Variants in PHF20L1 observed in about 807,000 individuals in gnomAD.
PHF20L1 encodes PHD finger protein 20 like 1.
Under a neutral mutation model 125.5 loss-of-function variants are expected in PHF20L1, and 44 were observed. That is an observed-to-expected ratio of 0.35 (90% CI 0.28 to 0.45). The LOEUF (loss-of-function observed/expected upper bound fraction) is 0.45, where lower values mean the gene tolerates loss of function less well. PHF20L1 is among the 20% of genes least tolerant of loss of function. The probability of loss-of-function intolerance (pLI) is 1.00; values close to 1 mark genes in which losing one functional copy is unlikely to be tolerated. For synonymous variants in PHF20L1, 380 were observed against 403.1 expected (o/e 0.94, Z 0.69); for missense variants, 1,012 against 1,217.2 (o/e 0.83, Z 2.51).
At chr8:132,783,238 A>G (rs1830640386) in intron 2 of PHF20L1, among the ~76,000 whole-genome samples, 1 of 152,164 alleles carries the variant, frequency 6.6e-6, no homozygotes, top group African/African-American at 2.4e-5. Flanking sequence ...AGGAAAATGA[A>G]AGATTAAAAA....
At position 132,842,764 on chromosome 8, in the gene PHF20L1, T is replaced by A; in HGVS notation, c.2637T>A (p.Pro879=). The change falls in exon 19 of 21, where the codon CCT becomes CCA. Residue 879 remains proline, a synonymous_variant. Transcript: ENST00000395386. ...FGQDCKSLAD[P]GSSDDDDVSS... is the part of the protein sequence containing the mutation. ...AGGACTGTAAATCTCTCGCAGACCC[T>A]GGGAGCTCAGATGATGATGATGTTA... 6.2e-7 allele frequency: 1 copy of A among 1,613,366 alleles called. No individual in the cohort carries two copies. Among genetic ancestry groups the A allele is most frequent in the Non-Finnish European group, 8.5e-7 (1 of 1,179,568 alleles).
intron 2 of PHF20L1, among the ~76,000 whole-genome samples, chr8:132,778,811 T>G (rs1478609602): frequency 6.6e-6 from 1 of 152,202 alleles, no homozygotes; most frequent in East Asian, 1.9e-4. Flanking sequence ...GGGTTCCGCT[T>G]CTGGGAGGGA....
chr8:132,810,097 T>G (rs987082792), intron 8 of PHF20L1: 1 of 150,854 alleles, frequency 6.6e-6, no homozygotes, highest in African/African-American at 2.4e-5. Context: ...TAGGGTGGAG[T>G]GCAGTGGCAG....
intron 9 of PHF20L1, chr8:132,813,084 T>A: frequency 1.0e-6 from 1 of 958,352 alleles, no homozygotes; most frequent in Non-Finnish European, 1.2e-6. Context: ...TATCAAGATA[T>A]TAAGTTTTAA....
intron 14 of PHF20L1, among the ~76,000 whole-genome samples, chr8:132,827,845 T>A (rs1025445229): frequency 6.6e-6 from 1 of 152,042 alleles, no homozygotes; most frequent in African/African-American, 2.4e-5. Context: ...CAAATGAAAA[T>A]CTTAACTTTG....
chr8:132,782,591 T>TC (rs1236520786), intron 2 of PHF20L1, among the ~76,000 whole-genome samples: 1 of 81,146 alleles, frequency 1.2e-5, no homozygotes, highest in Non-Finnish European at 3.3e-5. Flanking sequence ...TTCTTTTTCC[T>TC]TTTTTTTTTG....
At chr8:132,838,444 G>C (rs561461170) in intron 17 of PHF20L1, 4 of 152,640 alleles carry the variant, frequency 2.6e-5, no homozygotes, top group South Asian at 2.1e-4. Flanking sequence ...AGACTGAGAT[G>C]AAATCTATGC....
chr8:132,812,704 A>G (rs948125308), intron 9 of PHF20L1: 2 of 984,840 alleles, frequency 2.0e-6, no homozygotes, highest in Non-Finnish European at 2.4e-6. Flanking sequence ...GCCTCGCTTC[A>G]TAGTTAAAAA....
intron 14 of PHF20L1, among the ~76,000 whole-genome samples, chr8:132,827,223 A>G (rs1836282112): frequency 6.6e-6 from 1 of 151,784 alleles, no homozygotes. Flanking sequence ...AGAGGTAGGA[A>G]ACTCCGGAGT....
chr8:132,847,294 A>T lies in PHF20L1; in HGVS notation c.*1371A>T, dbSNP rs1244785877. The T allele has an allele frequency of 1.3e-5, 2 of 152,740 alleles. No homozygotes were observed. The highest frequency in any genetic ancestry group is 3.9e-4 in the East Asian group (2 of 5,188). The allele number at this position is 152,740 out of a possible 1,614,324, so 9.5% of individuals were successfully genotyped here. A position where few individuals can be genotyped will look rare whatever the true frequency, so the allele number is the denominator to read the frequency against. ...TGTTACCTTTTAACAGACTGTTTTT[A>T]AAAATTAAAAATGTATGTATAGGTT... is the stretch of plus-strand genomic sequence containing the variant. On this transcript the variant is annotated 3_prime_UTR_variant, in exon 21 of 21. Transcript: ENST00000395386.
At position 132,845,851 on chromosome 8, in the gene PHF20L1, T is replaced by C. The variant is rs550543003; in HGVS notation, c.2982T>C (p.Leu994=). 6.2e-5 allele frequency: 100 copies of C among 1,611,864 alleles called. No homozygotes were observed. In the South Asian group the frequency reaches 1.1e-3, roughly 17 times the overall value. The change falls in exon 21 of 21, where the codon CTT becomes CTC. Residue 994 remains leucine, a synonymous_variant. Transcript: ENST00000395386. ...ATCCTCTTGCAAGATTGCCCCAACT[T>C]AAACGCCACATAAAACAGCTCCTAA... ...PPDPLARLPQ[L]KRHIKQLLID...
chr8:132,823,935 A>G, intron 12 of PHF20L1, 69 bp from the exon 13 acceptor site: 1 of 861,686 alleles, frequency 1.2e-6, no homozygotes, highest in Non-Finnish European at 1.9e-6. Flanking sequence ...AGCAATTGTA[A>G]TGTAAAATAT....
intron 14 of PHF20L1, among the ~76,000 whole-genome samples, chr8:132,828,253 ATAT>A (rs975744052): frequency 1.6e-4 from 25 of 152,008 alleles, no homozygotes; most frequent in African/African-American, 6.0e-4. Flanking sequence ...CATTTTATAA[ATAT>A]TATTACTTCA....
chr8:132,786,605 CT>C (rs1391261583), intron 2 of PHF20L1, among the ~76,000 whole-genome samples: 24 of 152,106 alleles, frequency 1.6e-4, no homozygotes, highest in Admixed American at 1.2e-3. Flanking sequence ...GATGCAGAAT[CT>C]GTAATGATTG....
At chr8:132,844,827 C>T (rs990386942) in intron 20 of PHF20L1, among the ~76,000 whole-genome samples, 7 of 152,064 alleles carry the variant, frequency 4.6e-5, no homozygotes, top group African/African-American at 1.7e-4. Context: ...GATACTATCA[C>T]TACTTTATAG....
intron 2 of PHF20L1, among the ~76,000 whole-genome samples, chr8:132,784,200 C>T (rs1343050395): frequency 6.6e-6 from 1 of 152,116 alleles, no homozygotes; most frequent in Non-Finnish European, 1.5e-5. Context: ...TGTTCTTGCT[C>T]TAGTGTTCTT....
chr8:132,818,548 T>A (rs570708677), intron 12 of PHF20L1: 13 of 152,032 alleles, frequency 8.6e-5, no homozygotes, highest in Admixed American at 1.3e-4. Context: ...TATCTTTATA[T>A]AAAGGTTGAA....
intron 12 of PHF20L1, chr8:132,819,008 C>T (rs1835286309): frequency 6.6e-6 from 1 of 151,754 alleles, no homozygotes. Context: ...GATTATATAT[C>T]ATAAAATATC....
chr8:132,797,469 T>C (rs1164836228), intron 4 of PHF20L1, among the ~76,000 whole-genome samples: 1 of 151,790 alleles, frequency 6.6e-6, no homozygotes, highest in East Asian at 1.9e-4. Flanking sequence ...ACAGAGGAAA[T>C]AGCATGAGCA....
Sources: gnomAD v4.1 joint callset for allele counts (sites outside exome capture counted in the v4.1 genomes callset) on GRCh38, gnomAD v4.1.1 for gene constraint, MANE v1.5 for transcripts, NCBI Gene and HGNC (gene_info 2026-07-23, HGNC 2026-07-21) for gene names.